The following MYO10 variants were observed in gnomAD, a reference collection of about 807,000 sequenced individuals.
MYO10 encodes myosin X.
MYO10 carries 133 observed loss-of-function variants against 257.3 expected under a neutral mutation model. That is an observed-to-expected ratio of 0.52 (90% CI 0.45 to 0.60). The LOEUF is 0.60. Ranked by LOEUF, MYO10 falls within the 20% of genes least tolerant of loss-of-function variation. MYO10 has a pLI of 0.00. For synonymous variants in MYO10, 1,104 were observed against 1,028.6 expected (o/e 1.07, Z -1.40); for missense variants, 2,399 against 2,635.7 (o/e 0.91, Z 1.97).
chr5:16,668,165 G>T, intron 40 of MYO10, 112 bp downstream of exon 40: 1 of 1,225,310 alleles, frequency 8.2e-7, no homozygotes, highest in Non-Finnish European at 1.1e-6. Context: ...TTCGTGTTTT[G>T]AAGAAAAATA....
chr5:16,707,577 A>G (rs1359416149), intron 21 of MYO10, among the ~76,000 whole-genome samples: 2 of 152,206 alleles, frequency 1.3e-5, no homozygotes, highest in Non-Finnish European at 2.9e-5. Context: ...TCATTGCCAC[A>G]GAACTGAGGA....
In MYO10 at chr5:16,794,827, T is replaced by C. The variant is rs1333189510; in HGVS notation, c.286A>G (p.Ile96Val). The change falls in exon 4 of 41, where the codon ATC (isoleucine) becomes GTC (valine). Residue 96 changes from isoleucine (I) to valine (V), a missense_variant. Coordinates refer to ENST00000513610, the MANE Select transcript of MYO10 (RefSeq NM_012334.3). ...TTCACGGAGGCCAGGATGGAGCCGA[T>C]GTAGGTCTGCAAGCACAGAGTGAGA... ...RYKRNQIYTY[I>V]GSILASVNPY... 2 of 1,530,982 alleles carry C rather than the reference T, an allele frequency of 1.3e-6. No individual in the cohort carries two copies. The highest frequency in any genetic ancestry group is 1.4e-5 in the African/African-American group (1 of 72,610). 94.8% of individuals were successfully genotyped at this position (1,530,982 alleles called of 1,614,324 possible).
rs16868979 is a variant in MYO10 at position 16,681,953 on chromosome 5, C to T, written c.4107G>A (p.Pro1369=). 9,046 of 1,613,888 alleles carry T rather than the reference C, an allele frequency of 5.6e-3. 337 individuals carry two copies. The African/African-American group carries it at 0.09, about 16-fold the overall frequency. Residue 1369 remains proline (P), a synonymous_variant, in exon 31 of 41, where the codon CCG becomes CCA. Coordinates refer to ENST00000513610, the MANE Select transcript of MYO10 (RefSeq NM_012334.3). ...NRVLHCNADT[P]EEMHHWITLL... Reference sequence around the variant, plus strand: ...GGGTTATCCAGTGGTGCATCTCCTCCGGCGTGTCGGCGTTGCAGTGCAGCA... The same window carrying T: ...GGGTTATCCAGTGGTGCATCTCCTCTGGCGTGTCGGCGTTGCAGTGCAGCA...
chr5:16,713,352 G>A, intron 19 of MYO10: 5 of 985,824 alleles, frequency 5.1e-6, no homozygotes, highest in Non-Finnish European at 6.0e-6. Context: ...TCTCCAAGGG[G>A]CATCTCACCT....
chr5:16,883,712 G>A (rs1214885304), intron 1 of MYO10, among the ~76,000 whole-genome samples: 2 of 152,160 alleles, frequency 1.3e-5, no homozygotes, highest in Non-Finnish European at 2.9e-5. Context: ...AAAGAGGATA[G>A]TATCACCATC....
chr5:16,891,497 C>G (rs189499006), intron 1 of MYO10, among the ~76,000 whole-genome samples: 7 of 151,722 alleles, frequency 4.6e-5, no homozygotes, highest in African/African-American at 1.7e-4. Flanking sequence ...CTAACAGGTA[C>G]GGAGTTTTGT....
rs983873902 is a variant in MYO10 at position 16,663,583 on chromosome 5, T to C, written c.*3109A>G. ...TTGGTGGGGCACAGTGGCTCACACC[T>C]GTCATCCTAGCACTTTGGGAGGCTG... On this transcript the variant is annotated 3_prime_UTR_variant, in exon 41 of 41. Coordinates refer to ENST00000513610, the MANE Select transcript of MYO10 (RefSeq NM_012334.3). 6.6e-6 allele frequency: 1 copy of C among 151,874 alleles called. No individual in the cohort carries two copies. Among genetic ancestry groups the C allele is most frequent in the African/African-American group, 2.4e-5 (1 of 41,288 alleles). 9.4% of individuals were successfully genotyped at this position (151,874 alleles called of 1,614,324 possible). A position where few individuals can be genotyped will look rare whatever the true frequency, so the allele number is the denominator to read the frequency against.
chr5:16,794,032 G>A (rs73756276), intron 4 of MYO10, among the ~76,000 whole-genome samples: 18,989 of 151,774 alleles, frequency 0.13, 1,302 homozygotes, highest in South Asian at 0.27. Flanking sequence ...AAGCGAGTAC[G>A]ACTCAGCTAA....
intron 9 of MYO10, among the ~76,000 whole-genome samples, chr5:16,769,632 G>A (rs990815233): frequency 1.5e-4 from 23 of 152,190 alleles, no homozygotes; most frequent in African/African-American, 4.1e-4. Context: ...GAGCCACCGC[G>A]CCCGCCCAAT....
At chr5:16,752,544 C>T (rs1740406222) in intron 19 of MYO10, among the ~76,000 whole-genome samples, 1 of 152,204 alleles carries the variant, frequency 6.6e-6, no homozygotes, top group African/African-American at 2.4e-5. Context: ...TCTCAGCCTC[C>T]CAAAGTGCTG....
intron 19 of MYO10, chr5:16,742,223 T>C (rs893706540): frequency 1.0e-6 from 1 of 985,266 alleles, no homozygotes; most frequent in African/African-American, 1.7e-5. Context: ...AACAGCACTC[T>C]TTGCTGGTGC....
In MYO10 at chr5:16,763,679, G is replaced by GA; in HGVS notation, c.1402dup (p.Ser468PhefsTer8). 6.2e-7 allele frequency: 1 copy of GA among 1,609,742 alleles called. No homozygotes were observed. The highest frequency in any genetic ancestry group is 8.5e-7 in the Non-Finnish European group (1 of 1,176,430). ...CCGGCTATATTCTAGTTGTTCTAAA[G>GA]AAAAAATATGCTTGTTGAAGTACTC... On this transcript the variant is annotated frameshift_variant, in exon 13 of 41. Coordinates refer to ENST00000513610, the MANE Select transcript of MYO10 (RefSeq NM_012334.3). LOFTEE classifies it high-confidence loss of function.
intron 1 of MYO10, among the ~76,000 whole-genome samples, chr5:16,880,698 C>G (rs528475247): frequency 2.0e-5 from 3 of 152,278 alleles, no homozygotes; most frequent in Admixed American, 1.3e-4. Flanking sequence ...GTCCCTCACC[C>G]CCTACTCTTG....
At position 16,701,682 on chromosome 5, in the gene MYO10, C is replaced by A; in HGVS notation, c.2713G>T (p.Glu905Ter). ...TCGGTCAGCGACAGCTCCTGCTGCT[C>A]CTTCATGCGCTGCAGGTCCTCGATT... ...KEIEDLQRMKEQQELSLTEAS... is the reference protein window; with the variant it reads ...KEIEDLQRMK Residue 905 changes from glutamate to a stop codon, truncating the protein, a stop_gained, in exon 25 of 41, where the codon GAG becomes TAG. Transcript: ENST00000513610. LOFTEE classifies it high-confidence loss of function. This position sits in a 1 kb window ranked among gnomAD's most constrained non-coding sequence, Gnocchi z 8.1. 1 of 1,613,296 alleles carries A rather than the reference C, an allele frequency of 6.2e-7. No individual in the cohort carries two copies.
At chr5:16,876,797 T>C (rs1280748212) in intron 2 of MYO10, among the ~76,000 whole-genome samples, 1 of 152,184 alleles carries the variant, frequency 6.6e-6, no homozygotes, top group African/African-American at 2.4e-5. Flanking sequence ...TCAAGTGATC[T>C]GTCCGACTCG....
chr5:16,794,890 G>T, intron 3 of MYO10, 57 bp from the exon 4 acceptor site: 2 of 1,310,102 alleles, frequency 1.5e-6, no homozygotes, highest in Non-Finnish European at 2.0e-6. Flanking sequence ...CACTGGATGA[G>T]CTCCAACAAA....
intron 37 of MYO10, among the ~76,000 whole-genome samples, 191 bp downstream of exon 37, chr5:16,672,498 A>G (rs1736515320): frequency 6.6e-6 from 1 of 152,222 alleles, no homozygotes; most frequent in Admixed American, 6.5e-5. Flanking sequence ...ACATCACGTA[A>G]GACCGTAGCT....
rs70940395 is a variant in MYO10, at chr5:16,663,328, G to GTTTTTTTTTTTTTTTTTT, written c.*3346_*3363dup. The GTTTTTTTTTTTTTTTTTT allele has an allele frequency of 2.6e-5, 2 of 76,888 alleles. 1 individual carries two copies. Among genetic ancestry groups the GTTTTTTTTTTTTTTTTTT allele is most frequent in the African/African-American group, 1.3e-4 (2 of 15,498 alleles). The allele number at this position is 76,888 out of a possible 1,614,324, so 4.8% of individuals were successfully genotyped here. A position where few individuals can be genotyped will look rare whatever the true frequency, so the allele number is the denominator to read the frequency against. Reference sequence around the variant, plus strand: ...AAAAAGTAACATTTTACTTCTAGTTGTTTTTTTTTTTTTTTTTTTTTTTTT... The same window carrying GTTTTTTTTTTTTTTTTTT: ...AAAAAGTAACATTTTACTTCTAGTTGTTTTTTTTTTTTTTTTTTTTTTTTTTTTTTTTTTTTTTTTTTT... On this transcript the variant is annotated 3_prime_UTR_variant, in exon 41 of 41. Coordinates refer to ENST00000513610, the MANE Select transcript of MYO10 (RefSeq NM_012334.3).
Position 16,701,879 on chromosome 5 carries a change from C to A in MYO10, c.2557-41G>T, listed in dbSNP as rs756412099. 6.5e-7 allele frequency: 1 copy of A among 1,543,514 alleles called. No individual in the cohort carries two copies. Among genetic ancestry groups the A allele is most frequent in the Non-Finnish European group, 8.7e-7 (1 of 1,151,842 alleles). ...AGGGAGATTTCAGAAGGCTTCAGTA[C>A]AAAAGTCCAAGCATAGCTCCCGCTT... On this transcript the variant is annotated intron_variant, in intron 24 of 40. Transcript: ENST00000513610. The surrounding 1 kb of genome is among the most constrained non-coding windows in gnomAD (Gnocchi z 8.1).
Sources: gnomAD v4.1 joint callset for allele counts (sites outside exome capture counted in the v4.1 genomes callset) on GRCh38, gnomAD v4.1.1 for gene constraint, Gnocchi (gnomAD v3.1) non-coding constraint, MANE v1.5 for transcripts, NCBI Gene and HGNC (gene_info 2026-07-23, HGNC 2026-07-21) for gene names.